The following SPAG16 variants were observed in gnomAD, a reference collection of about 807,000 sequenced individuals.
The protein encoded by SPAG16 is sperm-associated antigen 16 protein.
A neutral mutation model predicts 80.4 loss-of-function variants in SPAG16; 86 were observed. That is an observed-to-expected ratio of 1.07 (90% CI 0.90 to 1.28). SPAG16 has a LOEUF of 1.28. Ranked by LOEUF, SPAG16 falls within the 50% of genes most tolerant of loss-of-function variation. The probability of loss-of-function intolerance (pLI) is 0.00; values close to 1 mark genes in which losing one functional copy is unlikely to be tolerated. For missense variants in SPAG16, 870 were observed against 765.3 expected (o/e 1.14, Z -1.61); for synonymous variants, 294 against 265.9 (o/e 1.11, Z -1.03).
chr2:213,378,079 G>A (rs2066985009), intron 9 of SPAG16, among the ~76,000 whole-genome samples: 1 of 152,070 alleles, frequency 6.6e-6, no homozygotes, highest in Non-Finnish European at 1.5e-5. Context: ...TTAGAGGGCA[G>A]GAAGCATCCA....
intron 10 of SPAG16, among the ~76,000 whole-genome samples, chr2:213,729,484 T>A (rs2066931652): frequency 6.6e-6 from 1 of 152,182 alleles, no homozygotes; most frequent in Admixed American, 6.5e-5. Context: ...CAGAGCAAAC[T>A]GAGATGCTTA....
intron 12 of SPAG16, among the ~76,000 whole-genome samples, chr2:213,990,908 T>C (rs919634532): frequency 2.6e-5 from 4 of 152,182 alleles, no homozygotes; most frequent in Non-Finnish European, 5.9e-5. Context: ...TCACATGAAC[T>C]TGACTGATGG....
intron 10 of SPAG16, among the ~76,000 whole-genome samples, chr2:213,503,167 C>T (rs2074815750): frequency 6.6e-6 from 1 of 152,156 alleles, no homozygotes; most frequent in South Asian, 2.1e-4. Context: ...TATTGTTTCA[C>T]CTCCCCCATG....
chr2:214,092,587 T>C (rs1194128067), intron 13 of SPAG16, among the ~76,000 whole-genome samples: 1 of 151,890 alleles, frequency 6.6e-6, no homozygotes, highest in East Asian at 1.9e-4. Flanking sequence ...TTTTTTCCTG[T>C]TACCTTATTT....
At chr2:213,866,595 T>C (rs1372967013) in intron 11 of SPAG16, among the ~76,000 whole-genome samples, 2 of 152,120 alleles carry the variant, frequency 1.3e-5, no homozygotes, top group East Asian at 3.8e-4. Flanking sequence ...CAGCTAAAAC[T>C]CTTAATAAGA....
At chr2:213,403,504 G>A (rs1457092087) in intron 9 of SPAG16, among the ~76,000 whole-genome samples, 3 of 142,048 alleles carry the variant, frequency 2.1e-5, no homozygotes, top group African/African-American at 4.9e-5. Flanking sequence ...ACAAAATTCA[G>A]CAACCTTCAT....
At chr2:213,532,025 T>C (rs1366260423) in intron 10 of SPAG16, among the ~76,000 whole-genome samples, 1 of 152,172 alleles carries the variant, frequency 6.6e-6, no homozygotes, top group Non-Finnish European at 1.5e-5. Flanking sequence ...TTTTAAAAAA[T>C]ACTGGCATCA....
intron 15 of SPAG16, among the ~76,000 whole-genome samples, chr2:214,167,943 TTTTTCTTTTCTTTTTCTTTTTTTCTG>T (rs1384610948): frequency 6.6e-6 from 1 of 151,298 alleles, no homozygotes; most frequent in Non-Finnish European, 1.5e-5. Flanking sequence ...AATTCCTTAA[TTTTTCTTTTCTTTTTCTTTTTTTCTG>T]TTTTCTTTTC....
intron 13 of SPAG16, among the ~76,000 whole-genome samples, chr2:214,084,046 G>A (rs182769743): frequency 8.9e-4 from 135 of 150,986 alleles, no homozygotes; most frequent in Admixed American, 6.8e-3. Flanking sequence ...ACAGTTTTGA[G>A]AAAACCATAT....
intron 8 of SPAG16, among the ~76,000 whole-genome samples, chr2:213,373,673 TTCTC>T (rs2066752837): frequency 6.6e-6 from 1 of 152,212 alleles, no homozygotes; most frequent in Admixed American, 6.6e-5. Context: ...ATTCTTGAGT[TTCTC>T]TCCCTACTGA....
At chr2:213,488,075 G>A (rs1163003766) in intron 9 of SPAG16, among the ~76,000 whole-genome samples, 1 of 151,932 alleles carries the variant, frequency 6.6e-6, no homozygotes, top group African/African-American at 2.4e-5. Context: ...TATTGACCTA[G>A]GTGTTACTTC....
At chr2:213,869,928 G>T (rs910789298) in intron 11 of SPAG16, among the ~76,000 whole-genome samples, 2 of 152,174 alleles carry the variant, frequency 1.3e-5, no homozygotes, top group African/African-American at 2.4e-5. Context: ...CTGTATTGGG[G>T]AAGGCCTGGT....
chr2:214,023,579 CAAAT>C (rs2047992444), intron 13 of SPAG16, among the ~76,000 whole-genome samples: 1 of 151,682 alleles, frequency 6.6e-6, no homozygotes, highest in South Asian at 2.1e-4. Context: ...GCATTTTACT[CAAAT>C]AATCCAATTG....
At chr2:213,555,060 A>G (rs2059385717) in intron 10 of SPAG16, among the ~76,000 whole-genome samples, 2 of 152,186 alleles carry the variant, frequency 1.3e-5, no homozygotes, top group South Asian at 4.1e-4. Flanking sequence ...TTATCAAAAA[A>G]CAAATAAAAA....
At chr2:213,309,503 T>G (rs1324715100) in intron 3 of SPAG16, among the ~76,000 whole-genome samples, 2 of 152,070 alleles carry the variant, frequency 1.3e-5, no homozygotes, top group Non-Finnish European at 2.9e-5. Context: ...CTTTTTTTCT[T>G]TTTTTTGATT....
intron 15 of SPAG16, among the ~76,000 whole-genome samples, chr2:214,155,056 C>T (rs943839515): frequency 2.0e-5 from 3 of 152,034 alleles, no homozygotes; most frequent in African/African-American, 7.2e-5. Context: ...TGGCTAATTC[C>T]CAGAGTTGAA....
intron 10 of SPAG16, among the ~76,000 whole-genome samples, chr2:213,572,716 G>T (rs1240926166): frequency 2.6e-5 from 4 of 152,054 alleles, no homozygotes; most frequent in Non-Finnish European, 5.9e-5. Context: ...GCCCCCAGAG[G>T]TGGAGCCTAC....
intron 11 of SPAG16, among the ~76,000 whole-genome samples, chr2:213,915,068 C>G (rs1385182766): frequency 6.6e-6 from 1 of 151,844 alleles, no homozygotes. Context: ...GAATGAGAAT[C>G]AAAGTCACGT....
chr2:213,888,270 G>A lies in SPAG16; in HGVS notation c.1214+25642G>A, dbSNP rs552839591. 1.4e-3 allele frequency among the ~76,000 whole-genome samples: 215 copies of A among 151,814 alleles called. 1 individual carries two copies. The highest frequency in any genetic ancestry group is 2.6e-3 in the Non-Finnish European group (177 of 67,738). On this transcript the variant is annotated intron_variant, in intron 11 of 15. Transcript: ENST00000331683. ...CATTTTATTTTCTGACAAAGCTCCT[G>A]TTTATAAGTTATATTTTCTGACAAA...
Sources: allele counts gnomAD v4.1 joint callset (sites outside exome capture counted in the v4.1 genomes callset), GRCh38; gene constraint gnomAD v4.1.1; transcripts MANE v1.5; gene names NCBI Gene and HGNC (gene_info 2026-07-23, HGNC 2026-07-21).